TMEM181: variants seen among roughly 807,000 people sequenced by gnomAD.
TMEM181 encodes the protein transmembrane protein 181, also known as G protein-coupled receptor 178.
TMEM181 carries 39 observed loss-of-function variants against 71.9 expected under a neutral mutation model. The observed-to-expected ratio is 0.54, with a 90% CI of 0.42 to 0.71. The LOEUF is 0.71. Ranked by LOEUF, TMEM181 falls within the 30% of genes least tolerant of loss-of-function variation. TMEM181 has a pLI of 0.00. For missense variants in TMEM181, 595 were observed against 583.0 expected, an observed-to-expected ratio of 1.02 and a Z score of -0.21; for synonymous variants, 245 against 228.8, an observed-to-expected ratio of 1.07 and a Z score of -0.64.
At position 158,540,221 on chromosome 6, in the gene TMEM181, C is replaced by T. The variant is rs142694271; in HGVS notation, c.131+3356C>T. Among the ~76,000 whole-genome samples the T allele has an allele frequency of 3.2e-3, 490 of 152,264 alleles. 4 individuals carry two copies. The highest frequency in any genetic ancestry group is 0.011 in the African/African-American group (474 of 41,542). On this transcript the variant is annotated intron_variant, in intron 1 of 16. Transcript: ENST00000367090. ...ACTCCTTGAATCTCCGTATCTACACCCCACCAAAATGGTAACAAGGACATG... is the reference window on the plus strand; with the variant it reads ...ACTCCTTGAATCTCCGTATCTACACTCCACCAAAATGGTAACAAGGACATG...
intron 1 of TMEM181, chr6:158,537,006 A>C: frequency 1.5e-5 from 5 of 341,310 alleles, no homozygotes; most frequent in South Asian, 1.2e-4. Context: ...ACGGATGGGG[A>C]CGGGGTCGGG....
At chr6:158,608,267 G>A (rs1019984025) in intron 8 of TMEM181, 66 bp from the exon 9 acceptor site, 1 of 1,562,988 alleles carries the variant, frequency 6.4e-7, no homozygotes, top group African/African-American at 1.5e-5. Flanking sequence ...GCAGAGGTAT[G>A]GGGTGCTGTC....
chr6:158,630,266 C>T (rs923838604), intron 15 of TMEM181, among the ~76,000 whole-genome samples: 4 of 152,064 alleles, frequency 2.6e-5, no homozygotes, highest in East Asian at 1.9e-4. Flanking sequence ...GAGGCCAAGG[C>T]GGGAGGATTG....
chr6:158,583,875 C>T, intron 3 of TMEM181, 79 bp from the exon 4 acceptor site: 1 of 1,025,674 alleles, frequency 9.7e-7, no homozygotes. Context: ...TAAAAGTAAA[C>T]TTTGTGTGTT....
chr6:158,596,910 A>G (rs1363678100), intron 6 of TMEM181, among the ~76,000 whole-genome samples: 2 of 152,164 alleles, frequency 1.3e-5, no homozygotes, highest in Non-Finnish European at 1.5e-5. Context: ...CCCACAACAC[A>G]TGGGAATTCT....
rs554958657 is a variant in TMEM181 at position 158,560,150 on chromosome 6, C to T, written c.-75C>T. On this transcript the variant is annotated 5_prime_UTR_variant, in exon 1 of 17. Transcript: ENST00000684151. Reference sequence around the variant, plus strand: ...TCGCTCCGGCTCCGGCTGCGGCTGCCGCTGCCGAGGCTGCTGCGCGGCGCC... The same window carrying T: ...TCGCTCCGGCTCCGGCTGCGGCTGCTGCTGCCGAGGCTGCTGCGCGGCGCC... The T allele has an allele frequency of 3.6e-4, 358 of 984,770 alleles. No individual in the cohort carries two copies. In the African/African-American group the frequency reaches 4.9e-3, roughly 13 times the overall value. 61.0% of individuals were successfully genotyped at this position (984,770 alleles called of 1,614,324 possible).
intron 1 of TMEM181, among the ~76,000 whole-genome samples, chr6:158,544,282 T>C (rs903438692): frequency 6.0e-5 from 9 of 150,982 alleles, no homozygotes; most frequent in African/African-American, 2.2e-4. Flanking sequence ...TCAGGAGCTG[T>C]TGGGTCAGAG....
chr6:158,573,571 C>T (rs763784725), intron 2 of TMEM181, 48 bp downstream of exon 2: 13 of 1,489,516 alleles, frequency 8.7e-6, no homozygotes, highest in South Asian at 3.6e-5. Flanking sequence ...GCGCGGTGGC[C>T]CTGGCGTATT....
chr6:158,629,084 C>T (rs1786515418), intron 14 of TMEM181, among the ~76,000 whole-genome samples: 1 of 152,220 alleles, frequency 6.6e-6, no homozygotes, highest in Non-Finnish European at 1.5e-5. Context: ...GGGCTGTTGC[C>T]TCCCGGGAGC....
chr6:158,554,714 T>G (rs1781824514), intron 1 of TMEM181, among the ~76,000 whole-genome samples: 1 of 152,172 alleles, frequency 6.6e-6, no homozygotes, highest in South Asian at 2.1e-4. Flanking sequence ...AGACACAACA[T>G]AAAACATAAT....
chr6:158,572,391 C>A (rs988825561), intron 1 of TMEM181: 2 of 456,634 alleles, frequency 4.4e-6, no homozygotes, highest in Admixed American at 2.3e-5. Context: ...GCTGGTCTGG[C>A]TCCCAAGACC....
At chr6:158,619,838 C>T (rs1349019464) in intron 10 of TMEM181, among the ~76,000 whole-genome samples, 1 of 144,116 alleles carries the variant, frequency 6.9e-6, no homozygotes, top group South Asian at 2.2e-4. Flanking sequence ...CACTGCACTC[C>T]AGCCTGGCGA....
At chr6:158,562,348 G>T (rs1782229664) in intron 1 of TMEM181, among the ~76,000 whole-genome samples, 2 of 152,218 alleles carry the variant, frequency 1.3e-5, no homozygotes, top group African/African-American at 2.4e-5. Context: ...AACCTGACTT[G>T]TTTGAGCTAC....
intron 1 of TMEM181, among the ~76,000 whole-genome samples, chr6:158,550,797 A>G (rs1781695669): frequency 6.6e-6 from 1 of 151,720 alleles, no homozygotes; most frequent in Non-Finnish European, 1.5e-5. Context: ...CAGGCAAATA[A>G]CTAGAACTTG....
rs578208537 is a variant in TMEM181 at position 158,549,093 on chromosome 6, G to A, written c.131+12228G>A. 1.9e-4 allele frequency among the ~76,000 whole-genome samples: 28 copies of A among 151,194 alleles called. 1 individual carries two copies. In the South Asian group the frequency reaches 5.6e-3, roughly 30 times the overall value. On this transcript the variant is annotated intron_variant, in intron 1 of 16. Coordinates refer to the TMEM181 transcript ENST00000367090. ...ATGGTGGCAAAGGGGACAAAATGAG[G>A]GAAAATGTGCACACTTCTTTTTTTT...
intron 6 of TMEM181, among the ~76,000 whole-genome samples, chr6:158,592,663 T>A (rs1352022630): frequency 6.6e-6 from 1 of 152,130 alleles, no homozygotes; most frequent in Non-Finnish European, 1.5e-5. Context: ...TTTTCATATA[T>A]TTAGTAGAGA....
intron 6 of TMEM181, among the ~76,000 whole-genome samples, chr6:158,601,085 C>T (rs781621784): frequency 1.2e-4 from 18 of 152,052 alleles, no homozygotes; most frequent in African/African-American, 2.9e-4. Flanking sequence ...ATGCTCAAGT[C>T]GTTACTTTGA....
intron 1 of TMEM181, among the ~76,000 whole-genome samples, chr6:158,562,448 G>T (rs944346292): frequency 2.2e-5 from 3 of 136,592 alleles, no homozygotes; most frequent in African/African-American, 2.7e-5. Flanking sequence ...GGCTGTTTTT[G>T]TGTGTGTGTG....
intron 15 of TMEM181, among the ~76,000 whole-genome samples, chr6:158,630,739 CAA>C (rs1786613156): frequency 6.7e-6 from 1 of 148,450 alleles, no homozygotes. Context: ...CCAAAACATA[CAA>C]AAAGTCACCT....
Sources: gnomAD v4.1 joint callset for allele counts (sites outside exome capture counted in the v4.1 genomes callset) on GRCh38, gnomAD v4.1.1 for gene constraint, MANE v1.5 for transcripts, NCBI Gene and HGNC (gene_info 2026-07-23, HGNC 2026-07-21) for gene names.